MAP7: variants seen among roughly 807,000 people sequenced by gnomAD.
The protein encoded by MAP7 is microtubule associated protein 7, also known as ensconsin.
Under a neutral mutation model 94.8 loss-of-function variants are expected in MAP7, and 52 were observed. The observed-to-expected ratio is 0.55, with a 90% CI of 0.44 to 0.69. The LOEUF is 0.69. MAP7 is among the 30% of genes least tolerant of loss of function. The pLI is 0.00. For missense variants in MAP7, 940 were observed against 964.6 expected, an observed-to-expected ratio of 0.97 and a Z score of 0.34; for synonymous variants, 350 against 357.0, an observed-to-expected ratio of 0.98 and a Z score of 0.22.
At chr6:136,376,147 G>A (rs1776068396) in intron 7 of MAP7, among the ~76,000 whole-genome samples, 1 of 151,950 alleles carries the variant, frequency 6.6e-6, no homozygotes, top group Non-Finnish European at 1.5e-5. Flanking sequence ...CCCCCAGGCT[G>A]GAGTGCAGTG....
At chr6:136,514,311 G>A (rs1156978136) in intron 1 of MAP7, among the ~76,000 whole-genome samples, 8 of 151,914 alleles carry the variant, frequency 5.3e-5, no homozygotes, top group Admixed American at 2.0e-4. Flanking sequence ...GTGGCCGGGT[G>A]CAGTGGCTCA....
chr6:136,475,636 T>C (rs1262189210), intron 1 of MAP7, among the ~76,000 whole-genome samples: 3 of 152,244 alleles, frequency 2.0e-5, no homozygotes, highest in Non-Finnish European at 2.9e-5. Context: ...AATAATCTGC[T>C]ACAAAGTTAA....
intron 3 of MAP7, among the ~76,000 whole-genome samples, chr6:136,395,501 C>T (rs561138915): frequency 6.6e-6 from 1 of 150,688 alleles, no homozygotes; most frequent in East Asian, 1.9e-4. Context: ...ATATTTTCTC[C>T]CATTCTATTC....
At chr6:136,469,464 C>G (rs1332917924) in intron 1 of MAP7, among the ~76,000 whole-genome samples, 1 of 152,088 alleles carries the variant, frequency 6.6e-6, no homozygotes, top group African/African-American at 2.4e-5. Context: ...TCACTGCAAC[C>G]TCTGCCTCCT....
chr6:136,449,829 G>T (rs1236202204), intron 1 of MAP7, among the ~76,000 whole-genome samples: 1 of 152,218 alleles, frequency 6.6e-6, no homozygotes. Context: ...GCTCTGAGAG[G>T]GAAGAACACA....
At chr6:136,435,150 C>G (rs1046965943) in intron 1 of MAP7, among the ~76,000 whole-genome samples, 1 of 152,106 alleles carries the variant, frequency 6.6e-6, no homozygotes, top group African/African-American at 2.4e-5. Context: ...TTGGTGCCTA[C>G]AATAGTAGGA....
At chr6:136,381,377 C>T (rs1034588316) in intron 6 of MAP7, among the ~76,000 whole-genome samples, 35 of 151,882 alleles carry the variant, frequency 2.3e-4, no homozygotes, top group East Asian at 1.9e-4. Context: ...TGGGGTTTCG[C>T]GATGGTGCCC....
intron 1 of MAP7, among the ~76,000 whole-genome samples, chr6:136,469,082 C>G (rs144876802): frequency 6.6e-6 from 1 of 151,842 alleles, no homozygotes; most frequent in Non-Finnish European, 1.5e-5. Flanking sequence ...TTTTTGTATA[C>G]GACAAGTGGC....
At chr6:136,368,910 C>T (rs1484558681) in intron 8 of MAP7, among the ~76,000 whole-genome samples, 1 of 152,280 alleles carries the variant, frequency 6.6e-6, no homozygotes, top group East Asian at 1.9e-4. Flanking sequence ...AAAAATTCAA[C>T]CCAAAATTCA....
intron 1 of MAP7, among the ~76,000 whole-genome samples, chr6:136,489,752 C>T (rs914228785): frequency 4.6e-5 from 7 of 152,046 alleles, no homozygotes; most frequent in Non-Finnish European, 1.0e-4. Flanking sequence ...TGGTCTTGAA[C>T]TCCTGACCCC....
chr6:136,420,628 A>G (rs571737625), intron 2 of MAP7, among the ~76,000 whole-genome samples: 2 of 152,346 alleles, frequency 1.3e-5, no homozygotes, highest in South Asian at 4.1e-4. Flanking sequence ...ATGGATGGAT[A>G]AATGACTCAA....
chr6:136,525,316 T>C (rs1583143637), intron 1 of MAP7, among the ~76,000 whole-genome samples: 2 of 152,232 alleles, frequency 1.3e-5, no homozygotes, highest in Non-Finnish European at 2.9e-5. Context: ...ATGTTTGCTG[T>C]GCTCCTCTTT....
intron 16 of MAP7, among the ~76,000 whole-genome samples, chr6:136,348,847 T>C (rs973156509): frequency 1.1e-4 from 16 of 151,954 alleles, no homozygotes; most frequent in Non-Finnish European, 2.2e-4. Context: ...ACCAAAAACT[T>C]CTTATTTAAA....
chr6:136,360,637 G>T, intron 13 of MAP7, 60 bp downstream of exon 13: 1 of 1,470,584 alleles, frequency 6.8e-7, no homozygotes. Context: ...GCCAGGGCTA[G>T]TCTCTGGGTC....
At chr6:136,517,225 A>G (rs1825129505) in intron 1 of MAP7, among the ~76,000 whole-genome samples, 1 of 152,238 alleles carries the variant, frequency 6.6e-6, no homozygotes, top group Non-Finnish European at 1.5e-5. Context: ...GATTCACATG[A>G]ACAAACACAG....
chr6:136,501,399 A>G (rs1426027010), intron 1 of MAP7, among the ~76,000 whole-genome samples: 1 of 152,166 alleles, frequency 6.6e-6, no homozygotes, highest in Non-Finnish European at 1.5e-5. Context: ...ATTTCTTGCT[A>G]GTTACTTCAC....
At chr6:136,457,188 G>C (rs1479861050) in intron 1 of MAP7, among the ~76,000 whole-genome samples, 1 of 151,282 alleles carries the variant, frequency 6.6e-6, no homozygotes, top group African/African-American at 2.4e-5. Context: ...ATGCTAACAA[G>C]CTGGAAAACC....
chr6:136,518,090 G>A (rs3799455), intron 1 of MAP7, among the ~76,000 whole-genome samples: 2 of 152,128 alleles, frequency 1.3e-5, no homozygotes, highest in Admixed American at 6.5e-5. Flanking sequence ...GAGGTGGCTC[G>A]AGCCTCCATA....
At chr6:136,445,816 G>C (rs1799160930) in intron 1 of MAP7, among the ~76,000 whole-genome samples, 1 of 152,190 alleles carries the variant, frequency 6.6e-6, no homozygotes, top group Non-Finnish European at 1.5e-5. Context: ...ACTAACAGCT[G>C]CGTAATGAAT....
Sources: allele counts gnomAD v4.1 joint callset (sites outside exome capture counted in the v4.1 genomes callset), GRCh38; gene constraint gnomAD v4.1.1; transcripts MANE v1.5; gene names NCBI Gene and HGNC (gene_info 2026-07-23, HGNC 2026-07-21).